GDPD1: variants seen among roughly 807,000 people sequenced by gnomAD.
GDPD1 encodes lysophospholipase D GDPD1.
In GDPD1, 28 loss-of-function variants were observed where a neutral mutation model predicts 45.1. The ratio of observed to expected loss-of-function variants is 0.62; its 90% CI spans 0.46 to 0.85. The LOEUF is 0.85. Among genes scored for constraint, GDPD1 ranks in the 40% least tolerant of loss-of-function variants. GDPD1 has a pLI of 0.00. For missense variants in GDPD1, 256 were observed against 364.8 expected (o/e 0.70, Z 2.43); for synonymous variants, 139 against 131.4 (o/e 1.06, Z -0.40).
At chr17:59,248,412 GT>G (rs1241593169) in intron 3 of GDPD1, among the ~76,000 whole-genome samples, 1 of 151,754 alleles carries the variant, frequency 6.6e-6, no homozygotes, top group Non-Finnish European at 1.5e-5. Context: ...TTATTAATTA[GT>G]TTAAAGATCT....
At chr17:59,223,821 G>A (rs1444586349) in intron 1 of GDPD1, among the ~76,000 whole-genome samples, 3 of 152,320 alleles carry the variant, frequency 2.0e-5, no homozygotes, top group Non-Finnish European at 4.4e-5. Context: ...CGAGGCAGGA[G>A]AATCACTTGA....
chr17:59,248,758 G>A lies in GDPD1; in HGVS notation c.340G>A (p.Gly114Ser). Residue 114 changes from glycine to serine, a missense_variant, in exon 4 of 10, where the codon GGC becomes AGC. Transcript: ENST00000284116. ...LKYCELPPYL[G>S]KLDVSFQRAC... ...TTTAAAGGAGCTCCCACCTTACCTTGGCAAACTGGATGTCTCATTTCAAAG... is the reference window on the plus strand; with the variant it reads ...TTTAAAGGAGCTCCCACCTTACCTTAGCAAACTGGATGTCTCATTTCAAAG... 6.2e-7 allele frequency: 1 copy of A among 1,602,450 alleles called. No individual in the cohort carries two copies. The highest frequency in any genetic ancestry group is 1.7e-5 in the Admixed American group (1 of 58,714).
chr17:59,227,226 C>G (rs1040755080), intron 1 of GDPD1, among the ~76,000 whole-genome samples: 1 of 151,684 alleles, frequency 6.6e-6, no homozygotes, highest in African/African-American at 2.4e-5. Flanking sequence ...TGAGACCAGC[C>G]TGGCCAACAT....
At chr17:59,266,925 G>C (rs1387425274) in intron 6 of GDPD1, 116 bp from the exon 7 acceptor site, 1 of 833,558 alleles carries the variant, frequency 1.2e-6, no homozygotes, top group Non-Finnish European at 1.9e-6. Context: ...CATAATCCCA[G>C]GAATGCTTGT....
intron 4 of GDPD1, chr17:59,249,015 A>G (rs975893639): frequency 2.9e-6 from 1 of 339,546 alleles, no homozygotes; most frequent in African/African-American, 2.1e-5. Flanking sequence ...ACTGATTGCA[A>G]GAAACATTTC....
intron 9 of GDPD1, 86 bp from the exon 10 acceptor site, chr17:59,273,565 C>T: frequency 6.5e-6 from 4 of 617,316 alleles, no homozygotes; most frequent in South Asian, 3.2e-5. Context: ...CTAAATGTAC[C>T]AAGACTGTAG....
intron 2 of GDPD1, among the ~76,000 whole-genome samples, chr17:59,241,238 T>C (rs113072879): frequency 0.012 from 1,763 of 152,348 alleles, 37 homozygotes; most frequent in African/African-American, 0.038. Flanking sequence ...TATTATGTGT[T>C]GTAAGAATAC....
chr17:59,233,612 T>C (rs1275612472), intron 1 of GDPD1, among the ~76,000 whole-genome samples: 2 of 152,066 alleles, frequency 1.3e-5, no homozygotes, highest in African/African-American at 2.4e-5. Context: ...ACAACTGATA[T>C]AGGTATTCTG....
intron 8 of GDPD1, among the ~76,000 whole-genome samples, chr17:59,271,856 A>T (rs949593064): frequency 1.6e-4 from 24 of 151,962 alleles, no homozygotes; most frequent in African/African-American, 5.1e-4. Context: ...GCTGATCTCG[A>T]ACTCCTGGCC....
chr17:59,234,714 T>G (rs2047118732), intron 2 of GDPD1, among the ~76,000 whole-genome samples, 180 bp downstream of exon 2: 1 of 152,218 alleles, frequency 6.6e-6, no homozygotes, highest in Non-Finnish European at 1.5e-5. Context: ...ACAAAGAGTT[T>G]GGCTTCTGTA....
chr17:59,239,993 C>T (rs1243007218), intron 2 of GDPD1, among the ~76,000 whole-genome samples: 1 of 151,914 alleles, frequency 6.6e-6, no homozygotes, highest in Non-Finnish European at 1.5e-5. Context: ...AGCAACTGCA[C>T]CTTTAATTTT....
chr17:59,262,828 A>G (rs942992232), intron 6 of GDPD1, among the ~76,000 whole-genome samples: 11 of 151,914 alleles, frequency 7.2e-5, no homozygotes, highest in South Asian at 2.1e-4. Context: ...GGGTTTCACC[A>G]TGTTGGTCAG....
Position 59,267,170 on chromosome 17 carries a change from C to T in GDPD1, c.706C>T (p.Leu236=). ...FFEIPMPSII[L]KLKEPHTMSR... ...TGAAATCCCAATGCCTTCTATTATA[C>T]TGAAGTAAGTGGTTACCCTTTTATT... is the stretch of plus-strand genomic sequence containing the variant. Residue 236 remains leucine, a synonymous_variant, in exon 7 of 10, where the codon CTG becomes TTG. Transcript: ENST00000284116. 1 of 1,612,528 alleles carries T rather than the reference C, an allele frequency of 6.2e-7. No individual in the cohort carries two copies. Among genetic ancestry groups the T allele is most frequent in the Non-Finnish European group, 8.5e-7 (1 of 1,179,258 alleles).
At chr17:59,249,639 T>G (rs1226716831) in intron 4 of GDPD1, among the ~76,000 whole-genome samples, 1 of 152,172 alleles carries the variant, frequency 6.6e-6, no homozygotes, top group Non-Finnish European at 1.5e-5. Flanking sequence ...TGACCCAACT[T>G]GTTAGTTACT....
intron 1 of GDPD1, among the ~76,000 whole-genome samples, chr17:59,228,120 C>T (rs545803248): frequency 5.0e-5 from 7 of 138,874 alleles, no homozygotes; most frequent in South Asian, 2.3e-4. Flanking sequence ...TGCAGTGAGC[C>T]GAGATTGTGC....
At chr17:59,258,417 C>T (rs1220477073) in intron 6 of GDPD1, among the ~76,000 whole-genome samples, 2 of 152,012 alleles carry the variant, frequency 1.3e-5, no homozygotes, top group Non-Finnish European at 2.9e-5. Context: ...GTGGCACGTG[C>T]CTGTAGTCCC....
chr17:59,269,598 G>A (rs1181905296), intron 7 of GDPD1, among the ~76,000 whole-genome samples: 4 of 151,812 alleles, frequency 2.6e-5, no homozygotes, highest in Non-Finnish European at 5.9e-5. Flanking sequence ...AGAGGCAGGC[G>A]GATCACCTGA....
At chr17:59,263,292 A>C (rs1179027730) in intron 6 of GDPD1, among the ~76,000 whole-genome samples, 2 of 151,998 alleles carry the variant, frequency 1.3e-5, no homozygotes, top group African/African-American at 2.4e-5. Context: ...TCATTCTCCC[A>C]AAGTGCTGAG....
At chr17:59,222,642 G>A (rs2047015578) in intron 1 of GDPD1, among the ~76,000 whole-genome samples, 1 of 150,660 alleles carries the variant, frequency 6.6e-6, no homozygotes, top group Non-Finnish European at 1.5e-5. Flanking sequence ...AGCCTCCCGA[G>A]TAGCTGGGAT....
Sources: allele counts gnomAD v4.1 joint callset (sites outside exome capture counted in the v4.1 genomes callset), GRCh38; gene constraint gnomAD v4.1.1; transcripts MANE v1.5; gene names NCBI Gene and HGNC (gene_info 2026-07-23, HGNC 2026-07-21).